ERC2: variants seen among roughly 807,000 people sequenced by gnomAD.
ERC2 encodes ELKS/RAB6-interacting/CAST family member 2.
A neutral mutation model predicts 114.8 loss-of-function variants in ERC2; 42 were observed. The ratio of observed to expected loss-of-function variants is 0.37; its 90% CI spans 0.29 to 0.47. The LOEUF (loss-of-function observed/expected upper bound fraction) is 0.47, where lower values mean the gene tolerates loss of function less well. ERC2 is among the 20% of genes least tolerant of loss of function. The probability of loss-of-function intolerance (pLI) is 0.99; values close to 1 mark genes in which losing one functional copy is unlikely to be tolerated. For missense variants in ERC2, 939 were observed against 1,150.7 expected, an observed-to-expected ratio of 0.82 and a Z score of 2.66; for synonymous variants, 454 against 425.5, an observed-to-expected ratio of 1.07 and a Z score of -0.82.
At chr3:55,625,407 A>G (rs2059480050) in intron 17 of ERC2, among the ~76,000 whole-genome samples, 1 of 149,326 alleles carries the variant, frequency 6.7e-6, no homozygotes, top group African/African-American at 2.5e-5. Flanking sequence ...AGAAAGAAAT[A>G]GCTAAGTTAA....
rs967377437 is a variant in ERC2, at chr3:56,443,604, C to T, written c.-140-8457G>A. Among the ~76,000 whole-genome samples the T allele has an allele frequency of 1.1e-4, 17 of 152,206 alleles. 1 individual carries two copies. Among genetic ancestry groups the T allele is most frequent in the Middle Eastern group, 3.4e-3 (1 of 294 alleles). On this transcript the variant is annotated intron_variant, in intron 1 of 17. Coordinates refer to ENST00000288221, the MANE Select transcript of ERC2 (RefSeq NM_015576.3). ...CACTCGCACCCTCCCCCATGCCCCA[C>T]CCAGCTGTGTTTCATTTCCCGATAT...
chr3:55,561,456 C>T (rs985818145), intron 17 of ERC2, among the ~76,000 whole-genome samples: 5 of 152,124 alleles, frequency 3.3e-5, no homozygotes, highest in African/African-American at 1.2e-4. Flanking sequence ...AGCTTCATTT[C>T]ACTCAAAGGC....
chr3:55,823,838 G>C (rs986462183), intron 14 of ERC2, among the ~76,000 whole-genome samples: 2 of 152,124 alleles, frequency 1.3e-5, no homozygotes, highest in Non-Finnish European at 2.9e-5. Context: ...ATTCCCAATT[G>C]TATTAGTTTA....
At chr3:56,323,302 A>G (rs1159719929) in intron 2 of ERC2, among the ~76,000 whole-genome samples, 3 of 152,228 alleles carry the variant, frequency 2.0e-5, no homozygotes, top group Non-Finnish European at 4.4e-5. Context: ...CCAAAACGAT[A>G]GAGGAAATAA....
At chr3:55,949,366 T>A (rs1423333429) in intron 13 of ERC2, among the ~76,000 whole-genome samples, 1 of 150,670 alleles carries the variant, frequency 6.6e-6, no homozygotes, top group Non-Finnish European at 1.5e-5. Flanking sequence ...GGAGACTCCA[T>A]CTCAAAAAGA....
At chr3:55,691,826 T>A (rs1310303168) in intron 16 of ERC2, among the ~76,000 whole-genome samples, 1 of 151,960 alleles carries the variant, frequency 6.6e-6, no homozygotes, top group Non-Finnish European at 1.5e-5. Context: ...CACATACATA[T>A]ATATGTATAT....
chr3:56,361,754 T>A (rs1473573960), intron 2 of ERC2, among the ~76,000 whole-genome samples: 4 of 152,206 alleles, frequency 2.6e-5, no homozygotes, highest in Non-Finnish European at 4.4e-5. Flanking sequence ...ATGGTTCATA[T>A]TACTGCAGGG....
chr3:56,375,185 T>A (rs1158627305), intron 2 of ERC2, among the ~76,000 whole-genome samples: 1 of 152,164 alleles, frequency 6.6e-6, no homozygotes, highest in Non-Finnish European at 1.5e-5. Flanking sequence ...AAACTTCTCT[T>A]CCTAGAATCA....
chr3:55,660,684 T>C (rs1044758765), intron 17 of ERC2, among the ~76,000 whole-genome samples: 1 of 152,142 alleles, frequency 6.6e-6, no homozygotes, highest in Admixed American at 6.5e-5. Context: ...TCATATTTAA[T>C]TGGGGTCGTG....
chr3:55,900,914 T>C (rs887847002), intron 13 of ERC2, among the ~76,000 whole-genome samples: 2 of 152,236 alleles, frequency 1.3e-5, no homozygotes, highest in African/African-American at 2.4e-5. Flanking sequence ...AAATGATGGA[T>C]AACTTAAGCT....
intron 2 of ERC2, among the ~76,000 whole-genome samples, chr3:56,403,952 G>C (rs2060615587): frequency 6.6e-6 from 1 of 152,190 alleles, no homozygotes. Context: ...GCCTCAGTGT[G>C]CATTAGTTTT....
intron 3 of ERC2, among the ~76,000 whole-genome samples, chr3:56,199,524 T>G (rs1218846925): frequency 6.6e-6 from 1 of 151,970 alleles, no homozygotes; most frequent in African/African-American, 2.4e-5. Flanking sequence ...TTTTTTCCCC[T>G]AGAGACAGAG....
intron 3 of ERC2, among the ~76,000 whole-genome samples, chr3:56,289,346 G>C (rs915542353): frequency 3.9e-5 from 6 of 151,958 alleles, no homozygotes; most frequent in African/African-American, 1.5e-4. Flanking sequence ...TTGGCAACCT[G>C]AATAGCCACA....
intron 3 of ERC2, among the ~76,000 whole-genome samples, chr3:56,202,078 C>G (rs1022765557): frequency 7.2e-5 from 11 of 152,106 alleles, no homozygotes; most frequent in African/African-American, 2.7e-4. Flanking sequence ...GGCAGAATAC[C>G]GCAGGCCATC....
At chr3:55,621,730 T>A (rs2059337504) in intron 17 of ERC2, among the ~76,000 whole-genome samples, 4 of 152,136 alleles carry the variant, frequency 2.6e-5, no homozygotes, top group Admixed American at 2.6e-4. Context: ...GAAAAAGAAT[T>A]CCTAGTCTGG....
intron 10 of ERC2, among the ~76,000 whole-genome samples, chr3:56,002,029 TG>T (rs2072112969): frequency 6.6e-6 from 1 of 152,164 alleles, no homozygotes; most frequent in Admixed American, 6.6e-5. Flanking sequence ...GATTATTTTT[TG>T]CTTCTCTGCT....
At chr3:56,386,158 C>G (rs1560722783) in intron 2 of ERC2, among the ~76,000 whole-genome samples, 1 of 152,148 alleles carries the variant, frequency 6.6e-6, no homozygotes, top group Non-Finnish European at 1.5e-5. Context: ...TAGGAAAACA[C>G]TTAAGCAAAG....
intron 2 of ERC2, among the ~76,000 whole-genome samples, chr3:56,420,675 G>T (rs997548756): frequency 2.0e-5 from 3 of 151,402 alleles, no homozygotes; most frequent in African/African-American, 7.3e-5. Flanking sequence ...CACGAGGTCA[G>T]GAGATCGAGA....
At chr3:56,391,025 C>A (rs2060109817) in intron 2 of ERC2, among the ~76,000 whole-genome samples, 1 of 152,192 alleles carries the variant, frequency 6.6e-6, no homozygotes, top group Non-Finnish European at 1.5e-5. Context: ...GTTTCTTCGT[C>A]AGTTTAATGG....
Sources: gnomAD v4.1 joint callset for allele counts (sites outside exome capture counted in the v4.1 genomes callset) on GRCh38, gnomAD v4.1.1 for gene constraint, MANE v1.5 for transcripts, NCBI Gene and HGNC (gene_info 2026-07-23, HGNC 2026-07-21) for gene names.